The following KMO variants were observed in gnomAD, a reference collection of about 807,000 sequenced individuals.
KMO encodes the protein kynurenine 3-monooxygenase.
Under a neutral mutation model 57.8 loss-of-function variants are expected in KMO, and 24 were observed. The observed-to-expected ratio is 0.42, with a 90% confidence interval of 0.30 to 0.58. The LOEUF (loss-of-function observed/expected upper bound fraction) is 0.58. Ranked by LOEUF, KMO falls within the 20% of genes least tolerant of loss-of-function variation. The probability of loss-of-function intolerance (pLI) is 0.22; values close to 1 mark genes in which losing one functional copy is unlikely to be tolerated. For synonymous variants in KMO, 210 were observed against 193.6 expected (o/e 1.08, Z -0.70); for missense variants, 483 against 588.2 (o/e 0.82, Z 1.85).
intron 10 of KMO, among the ~76,000 whole-genome samples, chr1:241,583,235 G>T (rs905213516): frequency 2.6e-5 from 4 of 151,996 alleles, no homozygotes; most frequent in Non-Finnish European, 4.4e-5. Context: ...ACTGTGCTGG[G>T]TCATACCTGA....
chr1:241,582,957 G>A (rs962765243), intron 10 of KMO, among the ~76,000 whole-genome samples: 2 of 152,066 alleles, frequency 1.3e-5, no homozygotes, highest in Non-Finnish European at 2.9e-5. Context: ...TGAGTGTTGC[G>A]GTCTAAGTTT....
At chr1:241,582,088 T>A (rs935587434) in intron 10 of KMO, among the ~76,000 whole-genome samples, 3 of 152,186 alleles carry the variant, frequency 2.0e-5, no homozygotes, top group Non-Finnish European at 2.9e-5. Flanking sequence ...AATATGCCAA[T>A]CCATTCTCTT....
chr1:241,535,509 G>C (rs1362496912), intron 1 of KMO, among the ~76,000 whole-genome samples: 2 of 152,162 alleles, frequency 1.3e-5, no homozygotes, highest in Admixed American at 1.3e-4. Context: ...GTGATCATCT[G>C]ATATTGGGTT....
chr1:241,561,019 C>G (rs1661815745), intron 6 of KMO, among the ~76,000 whole-genome samples: 1 of 152,016 alleles, frequency 6.6e-6, no homozygotes, highest in Non-Finnish European at 1.5e-5. Context: ...GCTTCAAACT[C>G]TCTCCTCTCT....
chr1:241,573,482 C>A (rs1368754867), intron 10 of KMO, among the ~76,000 whole-genome samples: 2 of 152,054 alleles, frequency 1.3e-5, no homozygotes, highest in East Asian at 3.9e-4. Flanking sequence ...CAGTTTCATT[C>A]TTCTACATGT....
intron 9 of KMO, among the ~76,000 whole-genome samples, chr1:241,567,601 G>A (rs1168776318): frequency 6.6e-6 from 1 of 152,190 alleles, no homozygotes; most frequent in Non-Finnish European, 1.5e-5. Context: ...ACCTCCCTGA[G>A]TTTCACCTTT....
rs565073398 is a variant in KMO, at chr1:241,592,722, G to A, written c.*569G>A. 3.1e-4 allele frequency: 46 copies of A among 146,940 alleles called. No homozygotes were observed. The South Asian group carries it at 8.9e-3, about 28-fold the overall frequency. 9.1% of individuals were successfully genotyped at this position (146,940 alleles called of 1,614,324 possible). On this transcript the variant is annotated 3_prime_UTR_variant, in exon 15 of 15. Transcript: ENST00000366559. Reference sequence around the variant, plus strand: ...AAGTATTATCATCTATCTGTTTATCGTCTATCTATCTATCATCTATCTATC... The same window carrying A: ...AAGTATTATCATCTATCTGTTTATCATCTATCTATCTATCATCTATCTATC...
At chr1:241,575,192 A>T (rs1332958818) in intron 10 of KMO, among the ~76,000 whole-genome samples, 1 of 151,816 alleles carries the variant, frequency 6.6e-6, no homozygotes, top group Non-Finnish European at 1.5e-5. Context: ...TGATCTATTG[A>T]TTTTGATTGT....
At chr1:241,551,851 G>A (rs747137398) in intron 4 of KMO, among the ~76,000 whole-genome samples, 13 of 152,126 alleles carry the variant, frequency 8.5e-5, no homozygotes, top group Non-Finnish European at 1.8e-4. Flanking sequence ...ACTCACCCGG[G>A]ATCCTGTTAA....
At chr1:241,556,917 T>A (rs566118913) in intron 5 of KMO, among the ~76,000 whole-genome samples, 4 of 151,330 alleles carry the variant, frequency 2.6e-5, no homozygotes, top group Middle Eastern at 3.4e-3. Context: ...ATAATAATAA[T>A]AAAGATTTGT....
intron 1 of KMO, among the ~76,000 whole-genome samples, chr1:241,539,216 C>T (rs1660863476): frequency 6.6e-6 from 1 of 152,064 alleles, no homozygotes; most frequent in African/African-American, 2.4e-5. Flanking sequence ...AACCCCATCT[C>T]TACTGAAACA....
intron 10 of KMO, among the ~76,000 whole-genome samples, chr1:241,576,658 T>C (rs1186110766): frequency 6.6e-6 from 1 of 152,128 alleles, no homozygotes; most frequent in Non-Finnish European, 1.5e-5. Flanking sequence ...TACCTGATGC[T>C]TTTGTCTCAC....
chr1:241,584,123 TC>T (rs1317883189), intron 10 of KMO, among the ~76,000 whole-genome samples: 1 of 151,948 alleles, frequency 6.6e-6, no homozygotes, highest in Non-Finnish European at 1.5e-5. Flanking sequence ...ATGCTATCCC[TC>T]CCCCATCCCC....
At position 241,592,565 on chromosome 1, in the gene KMO, A is replaced by G; in HGVS notation, c.*412A>G. 1 of 174,040 alleles carries G rather than the reference A, an allele frequency of 5.7e-6. No homozygotes were observed. The highest frequency in any genetic ancestry group is 1.4e-4 in the South Asian group (1 of 7,062). The allele number at this position is 174,040 out of a possible 1,614,324, so 10.8% of individuals were successfully genotyped here. On this transcript the variant is annotated 3_prime_UTR_variant, in exon 15 of 15. Transcript: ENST00000366559. The stretch of plus-strand genomic sequence containing the variant: ...AACTAGCATGTTAACTGCACTTTTC[A>G]TTACGTGAATGGAACTTACCTAACC...
chr1:241,574,062 C>T (rs1662410151), intron 10 of KMO, among the ~76,000 whole-genome samples: 1 of 151,942 alleles, frequency 6.6e-6, no homozygotes, highest in Non-Finnish European at 1.5e-5. Context: ...TCATTTGATT[C>T]TCAGTTTGGT....
At position 241,567,336 on chromosome 1, in the gene KMO, T is replaced by G. The variant is rs1026621403; in HGVS notation, c.809+724T>G. On this transcript the variant is annotated intron_variant, in intron 9 of 14. Coordinates refer to ENST00000366559, the MANE Select transcript of KMO (RefSeq NM_003679.5). ...GATTCGGTGTCTGGTGACGCCCCAC[T>G]TCTTGGTTCATAGATGACAGTCTTT... 2.0e-5 allele frequency among the ~76,000 whole-genome samples: 3 copies of G among 152,314 alleles called. No individual in the cohort carries two copies. In the South Asian group the frequency reaches 6.2e-4, roughly 32 times the overall value.
At chr1:241,566,225 A>C (rs1368415504) in intron 8 of KMO, among the ~76,000 whole-genome samples, 1 of 152,176 alleles carries the variant, frequency 6.6e-6, no homozygotes, top group Non-Finnish European at 1.5e-5. Context: ...AAGAAAAAAG[A>C]GTGTAGTATT....
chr1:241,551,106 C>A, intron 4 of KMO, 62 bp downstream of exon 4: 2 of 943,000 alleles, frequency 2.1e-6, no homozygotes, highest in South Asian at 1.5e-5. Context: ...TGGAACTTGC[C>A]TCTTGTTTGA....
intron 3 of KMO, 145 bp downstream of exon 3, chr1:241,549,919 G>A (rs1231048481): frequency 2.5e-5 from 15 of 611,894 alleles, no homozygotes; most frequent in African/African-American, 5.7e-5. Flanking sequence ...TTTAAAATTC[G>A]AAATTTGGCA....
Sources: allele counts gnomAD v4.1 joint callset (sites outside exome capture counted in the v4.1 genomes callset), GRCh38; gene constraint gnomAD v4.1.1; transcripts MANE v1.5; gene names NCBI Gene and HGNC (gene_info 2026-07-23, HGNC 2026-07-21).